TEKT5: variants seen among roughly 807,000 people sequenced by gnomAD.
The protein encoded by TEKT5 is tektin 5.
A neutral mutation model predicts 48.7 loss-of-function variants in TEKT5; 52 were observed. The ratio of observed to expected loss-of-function variants is 1.07; its 90% CI spans 0.86 to 1.35. TEKT5 has a LOEUF of 1.35. TEKT5 is among the 40% of genes most tolerant of loss of function. The pLI, the probability that TEKT5 is intolerant of heterozygous loss-of-function variation, is 0.00. For synonymous variants in TEKT5, 318 were observed against 267.6 expected (o/e 1.19, Z -1.84); for missense variants, 831 against 641.6 (o/e 1.30, Z -3.19).
At chr16:10,667,470 C>T (rs151074216) in intron 5 of TEKT5, among the ~76,000 whole-genome samples, 102 of 152,354 alleles carry the variant, frequency 6.7e-4, no homozygotes, top group African/African-American at 2.4e-3. Flanking sequence ...CTGGCTGTTT[C>T]TGTACCTGAC....
Position 10,694,892 on chromosome 16 carries a change from C to G in TEKT5, c.-19G>C. ...ACTCCATCCTCCCTCATGAGCCCCA[C>G]TCGGGCAAAACTCAGCTCAAGGAGC... On this transcript the variant is annotated 5_prime_UTR_variant, in exon 1 of 7. Coordinates refer to ENST00000283025, the MANE Select transcript of TEKT5 (RefSeq NM_144674.2). 2 of 1,526,164 alleles carry G rather than the reference C, an allele frequency of 1.3e-6. No individual in the cohort carries two copies. The highest frequency in any genetic ancestry group is 1.7e-6 in the Non-Finnish European group (2 of 1,143,990). The allele number at this position is 1,526,164 out of a possible 1,614,324, so 94.5% of individuals were successfully genotyped here.
At chr16:10,633,556 G>A (rs1306767543) in intron 6 of TEKT5, among the ~76,000 whole-genome samples, 1 of 152,114 alleles carries the variant, frequency 6.6e-6, no homozygotes, top group Non-Finnish European at 1.5e-5. Flanking sequence ...CAAGCCAGCA[G>A]CAGGTCTGCT....
At position 10,694,716 on chromosome 16, in the gene TEKT5, C is replaced by G. The variant is rs757625324; in HGVS notation, c.158G>C (p.Ser53Thr). Residue 53 changes from serine (S) to threonine (T), a missense_variant, in exon 1 of 7, where the codon AGC becomes ACC. Physicochemically the swap from Ser to Thr is moderately conservative, Grantham distance 58. Transcript: ENST00000283025. ...GACGTTGGCTATCTTGTAGAAGAGGCTAGGCCTCCATGAATTGAGGTAGCG... is the reference window on the plus strand; with the variant it reads ...GACGTTGGCTATCTTGTAGAAGAGGGTAGGCCTCCATGAATTGAGGTAGCG... ...GYRYLNSWRP[S>T]LFYKIANVQT... The G allele has an allele frequency of 5.0e-6, 8 of 1,613,950 alleles. No homozygotes were observed. The highest frequency in any genetic ancestry group is 1.3e-5 in the African/African-American group (1 of 75,022).
chr16:10,672,767 T>C (rs556528336), intron 5 of TEKT5, among the ~76,000 whole-genome samples: 1 of 152,120 alleles, frequency 6.6e-6, no homozygotes, highest in African/African-American at 2.4e-5. Context: ...AGCACAAACA[T>C]GGTGCCTACT....
intron 5 of TEKT5, among the ~76,000 whole-genome samples, chr16:10,638,213 A>ATTCCTTC (rs1897942693): frequency 6.6e-6 from 1 of 152,232 alleles, no homozygotes; most frequent in South Asian, 2.1e-4. Context: ...TCAAAAGCCT[A>ATTCCTTC]TGCATTTATT....
intron 5 of TEKT5, among the ~76,000 whole-genome samples, chr16:10,668,415 C>G (rs1162336975): frequency 5.9e-5 from 9 of 152,212 alleles, no homozygotes; most frequent in Admixed American, 3.9e-4. Context: ...GCCAGCTCCA[C>G]TTCCCCAGGG....
chr16:10,681,453 C>T (rs555107853), intron 4 of TEKT5, among the ~76,000 whole-genome samples: 180 of 152,196 alleles, frequency 1.2e-3, no homozygotes, highest in South Asian at 4.6e-3. Context: ...CTCAGGCAAT[C>T]CTCCAGCCTT....
chr16:10,690,829 G>T (rs915788166), intron 1 of TEKT5: 3 of 962,344 alleles, frequency 3.1e-6, no homozygotes, highest in Non-Finnish European at 3.7e-6. Flanking sequence ...GGGCCCAGGA[G>T]CAGAAGGAAG....
At chr16:10,677,600 C>A (rs1384131869) in intron 4 of TEKT5, among the ~76,000 whole-genome samples, 1 of 146,798 alleles carries the variant, frequency 6.8e-6, no homozygotes, top group Non-Finnish European at 1.5e-5. Flanking sequence ...CAGAGTAAGA[C>A]CCTGTCCCCC....
chr16:10,678,064 T>C (rs35569231), intron 4 of TEKT5, among the ~76,000 whole-genome samples: 34,652 of 152,086 alleles, frequency 0.23, 4,653 homozygotes, highest in East Asian at 0.54. Flanking sequence ...CAATGGACTA[T>C]GTGGGGTTTT....
intron 2 of TEKT5, 37 bp from the exon 3 acceptor site, chr16:10,689,360 AG>A (rs1163690358): frequency 2.0e-6 from 3 of 1,537,456 alleles, no homozygotes; most frequent in Non-Finnish European, 2.7e-6. Flanking sequence ...AGTGCCTCTT[AG>A]AACCTCACAG....
At chr16:10,683,090 C>T (rs1418497664) in intron 3 of TEKT5, among the ~76,000 whole-genome samples, 7 of 152,092 alleles carry the variant, frequency 4.6e-5, no homozygotes, top group African/African-American at 7.2e-5. Context: ...TGAAACAACA[C>T]AGAGGAAACC....
chr16:10,656,227 G>A (rs1193087157), intron 5 of TEKT5, among the ~76,000 whole-genome samples: 1 of 152,040 alleles, frequency 6.6e-6, no homozygotes. Context: ...ATTGCCCCAG[G>A]TTGAGAACCA....
chr16:10,670,298 G>A lies in TEKT5; in HGVS notation c.1086+5661C>T, dbSNP rs555828951. Reference sequence around the variant, plus strand: ...TCCCAGCACTGTGGCAGGCCAAGGCGGGTGGATCACCTGGGATCAGGAGTT... The same window carrying A: ...TCCCAGCACTGTGGCAGGCCAAGGCAGGTGGATCACCTGGGATCAGGAGTT... On this transcript the variant is annotated intron_variant, in intron 5 of 6. Coordinates refer to ENST00000283025, the MANE Select transcript of TEKT5 (RefSeq NM_144674.2). Among the ~76,000 whole-genome samples, 7 of 152,272 alleles carry A rather than the reference G, an allele frequency of 4.6e-5. No homozygotes were observed. The South Asian group carries it at 6.2e-4, about 14-fold the overall frequency.
At chr16:10,689,226 G>C (rs778573604) in intron 3 of TEKT5, 27 bp downstream of exon 3, 1 of 1,569,512 alleles carries the variant, frequency 6.4e-7, no homozygotes, top group South Asian at 1.2e-5. Flanking sequence ...CCAAGGAGAG[G>C]GAATTAAAAA....
At chr16:10,670,603 C>T (rs1030921348) in intron 5 of TEKT5, among the ~76,000 whole-genome samples, 4 of 152,200 alleles carry the variant, frequency 2.6e-5, no homozygotes, top group African/African-American at 7.2e-5. Context: ...ATCTTCATTG[C>T]ATCAAATTCC....
At chr16:10,663,987 C>G (rs1478802972) in intron 5 of TEKT5, among the ~76,000 whole-genome samples, 2 of 152,142 alleles carry the variant, frequency 1.3e-5, no homozygotes, top group African/African-American at 4.8e-5. Flanking sequence ...TCCTGAAAGT[C>G]CTGAATGGGG....
chr16:10,634,699 G>C (rs979567699), intron 6 of TEKT5, among the ~76,000 whole-genome samples: 1 of 152,134 alleles, frequency 6.6e-6, no homozygotes, highest in African/African-American at 2.4e-5. Context: ...GGCTGGTACT[G>C]TCATTGTCCT....
intron 5 of TEKT5, among the ~76,000 whole-genome samples, chr16:10,670,319 G>C (rs1294506678): frequency 6.6e-6 from 1 of 152,184 alleles, no homozygotes. Flanking sequence ...CTGGGATCAG[G>C]AGTTTGAGAC....
Sources: gnomAD v4.1 joint callset for allele counts (sites outside exome capture counted in the v4.1 genomes callset) on GRCh38, gnomAD v4.1.1 for gene constraint, MANE v1.5 for transcripts, NCBI Gene and HGNC (gene_info 2026-07-23, HGNC 2026-07-21) for gene names.